The following RARB variants were observed in gnomAD, a reference collection of about 807,000 sequenced individuals.
RARB encodes HBV-activated protein.
A neutral mutation model predicts 51.9 loss-of-function variants in RARB; 17 were observed. That is an observed-to-expected ratio of 0.33 (90% CI 0.22 to 0.49). The LOEUF (loss-of-function observed/expected upper bound fraction) is 0.49. RARB is among the 20% of genes least tolerant of loss of function. The pLI, the probability that RARB is intolerant of heterozygous loss-of-function variation, is 0.99. For missense variants in RARB, 369 were observed against 550.8 expected (o/e 0.67, Z 3.30); for synonymous variants, 215 against 195.4 (o/e 1.10, Z -0.84).
intron 2 of RARB, among the ~76,000 whole-genome samples, chr3:25,483,112 G>C (rs113381840): frequency 3.7e-4 from 56 of 152,276 alleles, no homozygotes; most frequent in African/African-American, 1.2e-3. Flanking sequence ...AGAGATGTGA[G>C]AATTACAGCC....
chr3:25,074,870 A>G (rs1197809673), intron 3 of RARB, among the ~76,000 whole-genome samples: 1 of 152,194 alleles, frequency 6.6e-6, no homozygotes, highest in East Asian at 1.9e-4. Flanking sequence ...CTACATATGC[A>G]GCGCAGTGAC....
At chr3:25,228,348 T>C (rs1236897708) in intron 5 of RARB, among the ~76,000 whole-genome samples, 1 of 151,850 alleles carries the variant, frequency 6.6e-6, no homozygotes, top group African/African-American at 2.4e-5. Context: ...TGTTATTTTC[T>C]CATGTCTGTC....
chr3:25,285,434 A>T (rs1451477064), intron 5 of RARB, among the ~76,000 whole-genome samples: 2 of 152,210 alleles, frequency 1.3e-5, no homozygotes, highest in African/African-American at 4.8e-5. Flanking sequence ...TTTGTAGGGC[A>T]CATGACAATA....
intron 5 of RARB, among the ~76,000 whole-genome samples, chr3:25,213,740 G>C (rs1308261763): frequency 6.6e-6 from 1 of 152,172 alleles, no homozygotes; most frequent in East Asian, 1.9e-4. Context: ...ATAATGTTTA[G>C]GAGTGCTTAG....
chr3:25,379,128 G>A (rs532252499), intron 5 of RARB, among the ~76,000 whole-genome samples: 1 of 152,140 alleles, frequency 6.6e-6, no homozygotes, highest in Non-Finnish European at 1.5e-5. Flanking sequence ...TTAATGGTCT[G>A]TTTAGATAGC....
rs184092972 is a variant in RARB, at chr3:25,478,659, G to A, written c.306+17318G>A. ...AGAAAAATGCAGTACCCTTAGTATCGACATGACGTCTATGGACACAGGGAG... is the reference window on the plus strand; with the variant it reads ...AGAAAAATGCAGTACCCTTAGTATCAACATGACGTCTATGGACACAGGGAG... On this transcript the variant is annotated intron_variant, in intron 2 of 7. Transcript: ENST00000330688. Among the ~76,000 whole-genome samples, 7 of 152,264 alleles carry A rather than the reference G, an allele frequency of 4.6e-5. No homozygotes were observed. In the East Asian group the frequency reaches 7.7e-4, roughly 17 times the overall value.
rs1038020795 is a variant in RARB, at chr3:25,214,212, T to C, written c.178+39637T>C. On this transcript the variant is annotated intron_variant, in intron 5 of 11. Transcript: ENST00000383772. ...GGGCCCTATCCTTGGCTTCTTTGCT[T>C]TCTCACTCTGTGCTGGCAGGGCTCT... 9.2e-5 allele frequency among the ~76,000 whole-genome samples: 14 copies of C among 152,306 alleles called. 1 individual carries two copies. Among genetic ancestry groups the C allele is most frequent in the African/African-American group, 3.4e-4 (14 of 41,574 alleles).
chr3:24,874,419 G>A (rs1402493484), intron 2 of RARB, among the ~76,000 whole-genome samples: 1 of 151,436 alleles, frequency 6.6e-6, no homozygotes, highest in Non-Finnish European at 1.5e-5. Flanking sequence ...CTTCCAGGAT[G>A]ATGACTTTCT....
intron 3 of RARB, among the ~76,000 whole-genome samples, chr3:25,077,084 T>C (rs974408093): frequency 2.0e-5 from 3 of 152,236 alleles, no homozygotes; most frequent in Non-Finnish European, 4.4e-5. Flanking sequence ...TGGGCCCAGA[T>C]AGAAATACAT....
At chr3:25,275,573 A>T (rs1008263193) in intron 5 of RARB, among the ~76,000 whole-genome samples, 1 of 152,224 alleles carries the variant, frequency 6.6e-6, no homozygotes, top group African/African-American at 2.4e-5. Flanking sequence ...GATAATATGT[A>T]TCACCTTAGA....
intron 5 of RARB, among the ~76,000 whole-genome samples, chr3:25,203,180 A>T (rs1701441682): frequency 6.6e-6 from 1 of 152,172 alleles, no homozygotes; most frequent in Non-Finnish European, 1.5e-5. Flanking sequence ...CCTTACCATT[A>T]TGCAATGGCC....
chr3:25,086,844 T>C (rs1370333998), intron 3 of RARB, among the ~76,000 whole-genome samples: 1 of 152,098 alleles, frequency 6.6e-6, no homozygotes, highest in Non-Finnish European at 1.5e-5. Context: ...ACAAGGTTCT[T>C]ATTATGCAGA....
rs542905553 is a variant in RARB, at chr3:24,836,111, G to T, written c.-459+6708G>T. On this transcript the variant is annotated intron_variant, in intron 1 of 11. Transcript: ENST00000383772. ...ATGGTATAGTTTGTCTTTTGAGAGA[G>T]TGAATGTGGATAATGCTAGATCTGA... Among the ~76,000 whole-genome samples, 15 of 152,332 alleles carry T rather than the reference G, an allele frequency of 9.8e-5. 1 individual carries two copies. In the South Asian group the frequency reaches 2.3e-3, roughly 23 times the overall value.
At chr3:24,975,645 C>T (rs1696494681) in intron 2 of RARB, among the ~76,000 whole-genome samples, 1 of 152,140 alleles carries the variant, frequency 6.6e-6, no homozygotes. Flanking sequence ...GACTCCAATG[C>T]AATAATTTTT....
chr3:24,845,037 T>C (rs886572006), intron 1 of RARB, among the ~76,000 whole-genome samples: 3 of 152,220 alleles, frequency 2.0e-5, no homozygotes, highest in Non-Finnish European at 4.4e-5. Context: ...CATTTACCCA[T>C]GATGGCCAAT....
intron 2 of RARB, among the ~76,000 whole-genome samples, chr3:24,959,007 G>A (rs968662037): frequency 6.6e-6 from 1 of 152,206 alleles, no homozygotes; most frequent in Non-Finnish European, 1.5e-5. Flanking sequence ...ATCAGCAGGA[G>A]CAAAACTCAA....
intron 2 of RARB, among the ~76,000 whole-genome samples, chr3:24,992,687 A>G (rs962973260): frequency 4.6e-5 from 7 of 151,706 alleles, no homozygotes; most frequent in African/African-American, 1.5e-4. Flanking sequence ...ATAGATGGCC[A>G]TCTCCCCCCG....
chr3:24,888,553 G>A (rs1263167071), intron 2 of RARB, among the ~76,000 whole-genome samples: 2 of 151,942 alleles, frequency 1.3e-5, no homozygotes, highest in Admixed American at 1.3e-4. Flanking sequence ...TTAAATGCTA[G>A]TAATGTGATA....
chr3:25,338,463 T>C (rs1575323512), intron 5 of RARB, among the ~76,000 whole-genome samples: 4 of 152,312 alleles, frequency 2.6e-5, no homozygotes, highest in African/African-American at 9.6e-5. Context: ...GATAGGCGGC[T>C]GGAGAGTCTA....
Sources: allele counts gnomAD v4.1 joint callset (sites outside exome capture counted in the v4.1 genomes callset), GRCh38; gene constraint gnomAD v4.1.1; transcripts MANE v1.5; gene names NCBI Gene and HGNC (gene_info 2026-07-23, HGNC 2026-07-21).